ZDBF2: variants seen among roughly 807,000 people sequenced by gnomAD.
The protein encoded by ZDBF2 is zinc finger DBF-type containing 2.
ZDBF2 carries 6 observed loss-of-function variants against 9.4 expected under a neutral mutation model. The observed-to-expected ratio is 0.64, with a 90% CI of 0.35 to 1.27. ZDBF2 has a LOEUF of 1.27. ZDBF2 is among the 50% of genes most tolerant of loss of function. The probability of loss-of-function intolerance (pLI) is 0.03; values close to 1 mark genes in which losing one functional copy is unlikely to be tolerated. For missense variants in ZDBF2, 2,697 were observed against 2,766.8 expected, an observed-to-expected ratio of 0.97 and a Z score of 0.57; for synonymous variants, 905 against 946.3, an observed-to-expected ratio of 0.96 and a Z score of 0.80.
rs898283706 is a variant in ZDBF2 at position 206,313,652 on chromosome 2, A to G, written c.*2059A>G. The G allele has an allele frequency of 1.3e-5, 2 of 152,208 alleles. No individual in the cohort carries two copies. Among genetic ancestry groups the G allele is most frequent in the Admixed American group, 1.3e-4 (2 of 15,278 alleles). The allele number at this position is 152,208 out of a possible 1,614,324, so 9.4% of individuals were successfully genotyped here. On this transcript the variant is annotated 3_prime_UTR_variant, in exon 5 of 5. Coordinates refer to ENST00000374423, the MANE Select transcript of ZDBF2 (RefSeq NM_020923.3). The stretch of plus-strand genomic sequence containing the variant: ...AAATGAAAATGTGTACTATGTACCT[A>G]TGATGTGTCATATCGTGATTACATC...
Position 206,308,454 on chromosome 2 carries a change from T to C in ZDBF2, c.3926T>C (p.Leu1309Pro). 1 of 1,613,520 alleles carries C rather than the reference T, an allele frequency of 6.2e-7. No homozygotes were observed. Among genetic ancestry groups the C allele is most frequent in the Non-Finnish European group, 8.5e-7 (1 of 1,179,686 alleles). ...CCAGGGGCGAATAAAGAAATAAATCTTTTGAGGGAGGAACATGTTTGTCTG... is the reference window on the plus strand; with the variant it reads ...CCAGGGGCGAATAAAGAAATAAATCCTTTGAGGGAGGAACATGTTTGTCTG... ...KIPGANKEIN[L>P]LREEHVCLDD... Residue 1309 changes from leucine to proline, a missense_variant, in exon 5 of 5, where the codon CTT becomes CCT. Physicochemically the swap from Leu to Pro is moderately conservative, Grantham distance 98. Transcript: ENST00000374423.
chr2:206,298,290 C>T (rs1405993122), intron 4 of ZDBF2, among the ~76,000 whole-genome samples: 4 of 152,116 alleles, frequency 2.6e-5, no homozygotes, highest in African/African-American at 7.2e-5. Flanking sequence ...TCCCGCTGTA[C>T]AAGATAAGGT....
chr2:206,297,432 T>A (rs1692248202), intron 4 of ZDBF2, 59 bp downstream of exon 4: 6 of 1,455,422 alleles, frequency 4.1e-6, no homozygotes, highest in Non-Finnish European at 5.6e-6. Context: ...TAGGTGTTTG[T>A]GTTCATGTCC....
chr2:206,305,958 C>G lies in ZDBF2; in HGVS notation c.1430C>G (p.Ala477Gly). 6.2e-7 allele frequency: 1 copy of G among 1,613,382 alleles called. No individual in the cohort carries two copies. Among genetic ancestry groups the G allele is most frequent in the Non-Finnish European group, 8.5e-7 (1 of 1,179,624 alleles). Residue 477 changes from alanine (A) to glycine (G), a missense_variant, in exon 5 of 5, where the codon GCA (alanine) becomes GGA (glycine). Physicochemically the swap from Ala to Gly is moderately conservative, Grantham distance 60. Coordinates refer to ENST00000374423, the MANE Select transcript of ZDBF2 (RefSeq NM_020923.3). ...GTTAAAGAAATAAGTCTTCAGAATGCAAGGCATATTAGCCTGGTTGACCAA... is the reference window on the plus strand; with the variant it reads ...GTTAAAGAAATAAGTCTTCAGAATGGAAGGCATATTAGCCTGGTTGACCAA... ...MIVKEISLQN[A>G]RHISLVDQSY...
At chr2:206,277,932 T>C (rs1031243458) in intron 1 of ZDBF2, among the ~76,000 whole-genome samples, 4 of 152,206 alleles carry the variant, frequency 2.6e-5, no homozygotes, top group Non-Finnish European at 5.9e-5. Context: ...GGCTTTTATC[T>C]ACACTGACAA....
intron 2 of ZDBF2, among the ~76,000 whole-genome samples, chr2:206,280,523 A>C (rs1211478051): frequency 6.6e-6 from 1 of 152,170 alleles, no homozygotes; most frequent in African/African-American, 2.4e-5. Context: ...ATTTAAAATA[A>C]AAGTTTGTTC....
chr2:206,307,372 A>T lies in ZDBF2; in HGVS notation c.2844A>T (p.Leu948Phe). Residue 948 changes from leucine to phenylalanine, a missense_variant, in exon 5 of 5, where the codon TTA becomes TTT. This residue lies in a region of ZDBF2 where 1,783 missense variants were observed against 1,776.5 expected (regional missense o/e 1.00). Transcript: ENST00000374423. ...ISLHTKEHMY[L>F]ENKSVFETSL... The stretch of plus-strand genomic sequence containing the variant: ...TTCACACAAAAGAGCACATGTACTT[A>T]GAAAATAAGAGTGTTTTTGAAACAA... 1 of 1,613,284 alleles carries T rather than the reference A, an allele frequency of 6.2e-7. No homozygotes were observed. Among genetic ancestry groups the T allele is most frequent in the Non-Finnish European group, 8.5e-7 (1 of 1,179,704 alleles).
intron 2 of ZDBF2, 100 bp from the exon 3 acceptor site, chr2:206,281,701 T>G (rs1691327227): frequency 1.5e-6 from 1 of 684,010 alleles, no homozygotes; most frequent in Non-Finnish European, 2.5e-6. Context: ...ATTTTCCTAA[T>G]TATTAGAAGT....
At chr2:206,304,591 T>G (rs1459847328) in intron 4 of ZDBF2, 126 bp from the exon 5 acceptor site, 2 of 1,199,774 alleles carry the variant, frequency 1.7e-6, no homozygotes, top group East Asian at 5.1e-5. Context: ...CTGGGGTGAC[T>G]GCCTGGATTC....
In ZDBF2 at chr2:206,309,790, C is replaced by G. The variant is rs1337939041; in HGVS notation, c.5262C>G (p.Pro1754=). 2 of 1,613,942 alleles carry G rather than the reference C, an allele frequency of 1.2e-6. No individual in the cohort carries two copies. The highest frequency in any genetic ancestry group is 1.1e-5 in the South Asian group (1 of 91,064). Residue 1754 remains proline, a synonymous_variant, in exon 5 of 5, where the codon CCC becomes CCG. Coordinates refer to ENST00000374423, the MANE Select transcript of ZDBF2 (RefSeq NM_020923.3). ...DGFEMNFQCA[P]PLPSDTDQPQ... The stretch of plus-strand genomic sequence containing the variant: ...TTGAGATGAATTTTCAGTGTGCTCC[C>G]CCTCTTCCATCTGATACTGATCAGC...
intron 3 of ZDBF2, among the ~76,000 whole-genome samples, chr2:206,296,056 A>G (rs1433166607): frequency 6.6e-6 from 1 of 152,118 alleles, no homozygotes; most frequent in Non-Finnish European, 1.5e-5. Flanking sequence ...AAAAACATTT[A>G]CTCATTGAAA....
At chr2:206,294,540 G>A (rs1047488426) in intron 3 of ZDBF2, among the ~76,000 whole-genome samples, 10 of 152,070 alleles carry the variant, frequency 6.6e-5, no homozygotes, top group East Asian at 5.8e-4. Flanking sequence ...GGCTTGTTAC[G>A]TGGGTATGTT....
intron 3 of ZDBF2, among the ~76,000 whole-genome samples, chr2:206,283,387 TTTG>T (rs576202197): frequency 1.7e-4 from 25 of 151,444 alleles, no homozygotes; most frequent in African/African-American, 3.9e-4. Context: ...TGTTTTGTTT[TTTG>T]TTGTTGTTGT....
Position 206,305,658 on chromosome 2 carries a change from A to T in ZDBF2, c.1130A>T (p.Gln377Leu). Residue 377 changes from glutamine (Q) to leucine (L), a missense_variant, in exon 5 of 5, where the codon CAG (glutamine) becomes CTG (leucine). Gln to Leu is a moderately radical substitution (Grantham distance 113). Around this residue, in one of 3 missense-constraint regions of ZDBF2, gnomAD observed 910 missense variants for 973.6 expected, o/e 0.93. Transcript: ENST00000374423. ...ATCTCTCTTCAGTCAGCATCTGATC[A>T]GCCCCAAGAGACTGCACAAGACTTA... ...DCISLQSASD[Q>L]PQETAQDLSL... 6.2e-7 allele frequency: 1 copy of T among 1,613,574 alleles called. No homozygotes were observed. Among genetic ancestry groups the T allele is most frequent in the East Asian group, 2.2e-5 (1 of 44,862 alleles).
intron 2 of ZDBF2, among the ~76,000 whole-genome samples, chr2:206,281,398 C>A (rs1210998284): frequency 6.6e-6 from 1 of 152,092 alleles, no homozygotes; most frequent in African/African-American, 2.4e-5. Flanking sequence ...GAGACGTTGT[C>A]AAATAATCTG....
intron 4 of ZDBF2, among the ~76,000 whole-genome samples, chr2:206,304,112 C>T (rs1692642467): frequency 6.6e-6 from 1 of 152,104 alleles, no homozygotes; most frequent in Non-Finnish European, 1.5e-5. Context: ...TAGACATTGC[C>T]AAATTGCTGT....
In ZDBF2 at chr2:206,304,973, T is replaced by A; in HGVS notation, c.445T>A (p.Leu149Met). The A allele has an allele frequency of 6.2e-7, 1 of 1,613,654 alleles. No homozygotes were observed. Among genetic ancestry groups the A allele is most frequent in the Non-Finnish European group, 8.5e-7 (1 of 1,179,770 alleles). ...ACTGGAGAAGGGACAGCAGCAGCCC[T>A]TGGAGTTTGTTCATAAAATTGGGGC... is the stretch of plus-strand genomic sequence containing the variant. Reference protein sequence around the residue: ...QKLEKGQQQPLEFVHKIGASV... With the variant: ...QKLEKGQQQPMEFVHKIGASV... Residue 149 changes from leucine to methionine, a missense_variant, in exon 5 of 5, where the codon TTG (leucine) becomes ATG (methionine). By Grantham distance (15) the Leu-to-Met change is conservative (BLOSUM62 2). This residue lies in a region of ZDBF2 where 910 missense variants were observed against 973.6 expected (regional missense o/e 0.93). Coordinates refer to ENST00000374423, the MANE Select transcript of ZDBF2 (RefSeq NM_020923.3).
rs1466631981 is a variant in ZDBF2 at position 206,305,987 on chromosome 2, T to C, written c.1459T>C (p.Tyr487His). ...ARHISLVDQSYESSSSETNFD... is the reference protein window; with the variant it reads ...ARHISLVDQSHESSSSETNFD... ...GCATATTAGCCTGGTTGACCAAAGCTATGAATCTAGTAGTTCTGAAACGAA... is the reference window on the plus strand; with the variant it reads ...GCATATTAGCCTGGTTGACCAAAGCCATGAATCTAGTAGTTCTGAAACGAA... Residue 487 changes from tyrosine (Y) to histidine (H), a missense_variant, in exon 5 of 5, where the codon TAT becomes CAT. Physicochemically the swap from Tyr to His is moderately conservative, Grantham distance 83. Around this residue, in one of 3 missense-constraint regions of ZDBF2, gnomAD observed 910 missense variants for 973.6 expected, o/e 0.93. Coordinates refer to ENST00000374423, the MANE Select transcript of ZDBF2 (RefSeq NM_020923.3). The C allele has an allele frequency of 6.2e-7, 1 of 1,613,326 alleles. No homozygotes were observed. Among genetic ancestry groups the C allele is most frequent in the Non-Finnish European group, 8.5e-7 (1 of 1,179,544 alleles).
In ZDBF2 at chr2:206,309,639, A is replaced by T; in HGVS notation, c.5111A>T (p.Gln1704Leu). The T allele has an allele frequency of 1.9e-6, 3 of 1,613,910 alleles. No homozygotes were observed. Among genetic ancestry groups the T allele is most frequent in the Non-Finnish European group, 2.5e-6 (3 of 1,179,860 alleles). ...RNAGLKGKSC[Q>L]SSASAVDFGA... ...GCTGGCCTAAAAGGTAAGAGCTGTC[A>T]GTCTAGTGCTTCTGCAGTGGATTTT... Residue 1704 changes from glutamine to leucine, a missense_variant, in exon 5 of 5, where the codon CAG (glutamine) becomes CTG (leucine). This residue lies in a region of ZDBF2 where 1,783 missense variants were observed against 1,776.5 expected (regional missense o/e 1.00). Coordinates refer to ENST00000374423, the MANE Select transcript of ZDBF2 (RefSeq NM_020923.3).
Sources: allele counts gnomAD v4.1 joint callset (sites outside exome capture counted in the v4.1 genomes callset), GRCh38; gene constraint gnomAD v4.1.1; regional missense constraint gnomAD v4.1.1; transcripts MANE v1.5; gene names NCBI Gene and HGNC (gene_info 2026-07-23, HGNC 2026-07-21).